Variants in CA8 observed in about 807,000 individuals in gnomAD.
The protein encoded by CA8 is carbonic anhydrase-related protein.
In CA8, 22 loss-of-function variants were observed where a neutral mutation model predicts 41.4. The observed-to-expected ratio is 0.53, with a 90% CI of 0.38 to 0.76. The LOEUF is 0.76. Among genes scored for constraint, CA8 ranks in the 30% least tolerant of loss-of-function variants. CA8 has a pLI of 0.00. For synonymous variants in CA8, 121 were observed against 130.6 expected, an observed-to-expected ratio of 0.93 and a Z score of 0.50; for missense variants, 270 against 352.8, an observed-to-expected ratio of 0.77 and a Z score of 1.88.
rs10567353 is a variant in CA8, at chr8:60,246,875, C to CTT, written c.418-14498_418-14497dup. On this transcript the variant is annotated intron_variant, in intron 3 of 8. Coordinates refer to ENST00000317995, the MANE Select transcript of CA8 (RefSeq NM_004056.6). The stretch of plus-strand genomic sequence containing the variant: ...GTTTCTGTGGGAAAAATAATAACCA[C>CTT]TTTTTTTTTTTTTTTTTTTTTTTTT... Among the ~76,000 whole-genome samples, 27 of 89,132 alleles carry CTT rather than the reference C, an allele frequency of 3.0e-4. 1 individual carries two copies. Among genetic ancestry groups the CTT allele is most frequent in the South Asian group, 4.1e-4 (1 of 2,444 alleles). 58.5% of individuals were successfully genotyped at this position (89,132 alleles called of 152,430 possible).
intron 7 of CA8, among the ~76,000 whole-genome samples, chr8:60,214,313 G>A (rs1585860001): frequency 6.6e-6 from 1 of 152,262 alleles, no homozygotes; most frequent in South Asian, 2.1e-4. Context: ...TCTTTCTTAA[G>A]GGCCTTAATC....
chr8:60,216,089 T>C (rs746435079), intron 7 of CA8, among the ~76,000 whole-genome samples: 11 of 152,234 alleles, frequency 7.2e-5, no homozygotes, highest in Non-Finnish European at 4.4e-5. Flanking sequence ...CTATGTTATA[T>C]GTCAAGCATC....
intron 8 of CA8, among the ~76,000 whole-genome samples, chr8:60,206,356 C>T (rs916414709): frequency 6.6e-5 from 10 of 151,742 alleles, no homozygotes; most frequent in African/African-American, 1.9e-4. Flanking sequence ...TGTGTGTGCG[C>T]GTGTGTGTGT....
At chr8:60,255,526 T>G (rs1016356191) in intron 3 of CA8, among the ~76,000 whole-genome samples, 20 of 152,236 alleles carry the variant, frequency 1.3e-4, no homozygotes, top group Non-Finnish European at 1.0e-4. Context: ...CTGGTTCCAC[T>G]GAATAAACTC....
intron 3 of CA8, among the ~76,000 whole-genome samples, chr8:60,261,543 A>G (rs914790974): frequency 3.3e-5 from 5 of 152,202 alleles, no homozygotes; most frequent in African/African-American, 7.2e-5. Flanking sequence ...ATTCATCTGT[A>G]GTGATGCAAG....
Position 60,281,369 on chromosome 8 carries a change from G to A in CA8, c.-222C>T, listed in dbSNP as rs1233357994. 5 of 564,932 alleles carry A rather than the reference G, an allele frequency of 8.9e-6. No homozygotes were observed. Among genetic ancestry groups the A allele is most frequent in the Admixed American group, 3.1e-5 (1 of 32,752 alleles). 35.0% of individuals were successfully genotyped at this position (564,932 alleles called of 1,614,324 possible). On this transcript the variant is annotated 5_prime_UTR_variant, in exon 1 of 9. Transcript: ENST00000317995. The stretch of plus-strand genomic sequence containing the variant: ...ACCCGCGTGGGAAGCGCGTCCGGAG[G>A]CCCCAGCAGAGCGAGGGAGCGGCTG...
At chr8:60,224,500 G>C in intron 6 of CA8, 37 bp downstream of exon 6, 1 of 1,215,350 alleles carries the variant, frequency 8.2e-7, no homozygotes, top group Non-Finnish European at 1.2e-6. Flanking sequence ...TATAGCCACA[G>C]TTAAAATTCA....
chr8:60,266,344 C>T (rs1305679119), intron 2 of CA8, among the ~76,000 whole-genome samples: 1 of 152,136 alleles, frequency 6.6e-6, no homozygotes. Context: ...ACAAGAAAAA[C>T]AAATTCCTCC....
At chr8:60,223,871 A>T (rs1807333885) in intron 6 of CA8, among the ~76,000 whole-genome samples, 1 of 152,248 alleles carries the variant, frequency 6.6e-6, no homozygotes, top group African/African-American at 2.4e-5. Flanking sequence ...AAATGTGAAG[A>T]TCAAAATTTT....
intron 7 of CA8, among the ~76,000 whole-genome samples, chr8:60,214,827 T>C (rs1340980211): frequency 1.3e-5 from 2 of 152,222 alleles, no homozygotes; most frequent in East Asian, 3.8e-4. Context: ...GTTTTCAATA[T>C]TCTAGAAGAC....
chr8:60,234,613 C>A (rs1425954825), intron 3 of CA8, among the ~76,000 whole-genome samples: 1 of 152,070 alleles, frequency 6.6e-6, no homozygotes, highest in East Asian at 1.9e-4. Context: ...TCAGCCAACC[C>A]AAGCTAACAA....
chr8:60,263,610 C>T (rs1430941675), intron 3 of CA8, among the ~76,000 whole-genome samples: 1 of 152,204 alleles, frequency 6.6e-6, no homozygotes, highest in Non-Finnish European at 1.5e-5. Flanking sequence ...GTGCTGCTGG[C>T]CATGCCCCTG....
At chr8:60,211,433 T>G (rs1316028251) in intron 7 of CA8, among the ~76,000 whole-genome samples, 1 of 152,234 alleles carries the variant, frequency 6.6e-6, no homozygotes, top group Non-Finnish European at 1.5e-5. Context: ...CCTGAACCTA[T>G]GAAGCATGCA....
rs1371842464 is a variant in CA8 at position 60,232,320 on chromosome 8, C to T, written c.477G>A (p.Lys159=). ...GAGCAATGATGGCGATTCCGTGCGG[C>T]TTCCCCACAGCCTCATCAATGCTGC... ...LFGSIDEAVG[K]PHGIAIIALF... Residue 159 remains lysine (K), a synonymous_variant, in exon 4 of 9, where the codon AAG becomes AAA. Transcript: ENST00000317995. 1 of 1,614,134 alleles carries T rather than the reference C, an allele frequency of 6.2e-7. No homozygotes were observed. Among genetic ancestry groups the T allele is most frequent in the South Asian group, 1.1e-5 (1 of 91,086 alleles).
chr8:60,235,076 C>G (rs1437379397), intron 3 of CA8, among the ~76,000 whole-genome samples: 2 of 152,210 alleles, frequency 1.3e-5, no homozygotes, highest in African/African-American at 2.4e-5. Flanking sequence ...GCTACCCATG[C>G]ACCTTTCCTC....
chr8:60,241,676 TCAGAAGCAATTAAAACTC>T (rs1808033635), intron 3 of CA8, among the ~76,000 whole-genome samples: 1 of 151,984 alleles, frequency 6.6e-6, no homozygotes, highest in Non-Finnish European at 1.5e-5. Context: ...TAATGTAAAA[TCAGAAGCAATTAAAACTC>T]ATTCTTCAAC....
chr8:60,192,519 A>C (rs892730087), intron 8 of CA8, among the ~76,000 whole-genome samples: 3 of 152,126 alleles, frequency 2.0e-5, no homozygotes, highest in African/African-American at 7.2e-5. Context: ...CATGTGTTGG[A>C]AGTTTACTTT....
rs894978279 is a variant in CA8, at chr8:60,199,252, C to T, written c.*36-9267G>A. On this transcript the variant is annotated intron_variant, in intron 8 of 8. Transcript: ENST00000317995. ...TTTGGGCATTAGGCAGGAGTAAATG[C>T]TGAAGGAGATATTATCAGACAACAA... Among the ~76,000 whole-genome samples the T allele has an allele frequency of 3.9e-5, 6 of 152,114 alleles. No individual in the cohort carries two copies. The East Asian group carries it at 9.7e-4, about 24-fold the overall frequency.
chr8:60,247,816 T>G (rs1411723904), intron 3 of CA8, among the ~76,000 whole-genome samples: 1 of 152,236 alleles, frequency 6.6e-6, no homozygotes, highest in African/African-American at 2.4e-5. Flanking sequence ...TCTAGATCCT[T>G]GAGGAATCGC....
Sources: gnomAD v4.1 joint callset for allele counts (sites outside exome capture counted in the v4.1 genomes callset) on GRCh38, gnomAD v4.1.1 for gene constraint, MANE v1.5 for transcripts, NCBI Gene and HGNC (gene_info 2026-07-23, HGNC 2026-07-21) for gene names.